The following SYNJ2 variants were observed in gnomAD, a reference collection of about 807,000 sequenced individuals.
The protein encoded by SYNJ2 is synaptojanin 2.
A neutral mutation model predicts 141.3 loss-of-function variants in SYNJ2; 116 were observed. The observed-to-expected ratio is 0.82, with a 90% CI of 0.71 to 0.96. The LOEUF (loss-of-function observed/expected upper bound fraction) is 0.96, where lower values mean the gene tolerates loss of function less well. Ranked by LOEUF, SYNJ2 falls within the 40% of genes least tolerant of loss-of-function variation. SYNJ2 has a pLI of 0.00. For synonymous variants in SYNJ2, 745 were observed against 777.7 expected, an observed-to-expected ratio of 0.96 and a Z score of 0.70; for missense variants, 1,873 against 1,934.8, an observed-to-expected ratio of 0.97 and a Z score of 0.60.
At chr6:158,082,287 G>A (rs1782742439) in intron 20 of SYNJ2, among the ~76,000 whole-genome samples, 1 of 152,176 alleles carries the variant, frequency 6.6e-6, no homozygotes, top group East Asian at 1.9e-4. Flanking sequence ...AGGATTTCGA[G>A]ACCAGCCTGG....
chr6:158,074,259 A>G (rs1024407519), intron 15 of SYNJ2, among the ~76,000 whole-genome samples: 1 of 152,200 alleles, frequency 6.6e-6, no homozygotes, highest in Admixed American at 6.5e-5. Flanking sequence ...AGACACTCCA[A>G]AGTAAGGGTG....
In SYNJ2 at chr6:158,043,260, A is replaced by G; in HGVS notation, c.712-56A>G. 3 of 1,522,112 alleles carry G rather than the reference A, an allele frequency of 2.0e-6. No homozygotes were observed. Among genetic ancestry groups the G allele is most frequent in the Non-Finnish European group, 2.7e-6 (3 of 1,099,342 alleles). 94.3% of individuals were successfully genotyped at this position (1,522,112 alleles called of 1,614,324 possible). ...GTGGCCGGATCCCGTTACCCAGCCC[A>G]GGACGTTCGGTTTCATTGAAGAATA... On this transcript the variant is annotated intron_variant, in intron 4 of 26. Transcript: ENST00000355585. This position sits in a 1 kb window ranked among gnomAD's most constrained non-coding sequence, Gnocchi z 4.0.
intron 11 of SYNJ2, among the ~76,000 whole-genome samples, chr6:158,066,164 G>A (rs957095240): frequency 2.0e-5 from 3 of 152,164 alleles, no homozygotes; most frequent in Non-Finnish European, 4.4e-5. Context: ...GATCCCTATG[G>A]TCTGATGTCC....
chr6:158,022,356 G>A (rs1460624912), intron 2 of SYNJ2, among the ~76,000 whole-genome samples: 2 of 152,290 alleles, frequency 1.3e-5, no homozygotes, highest in East Asian at 1.9e-4. Flanking sequence ...GGGAGGCCTG[G>A]GGTGGTCCCG....
rs78005643 is a variant in SYNJ2 at position 158,026,658 on chromosome 6, C to T, written c.215-2098C>T. Among the ~76,000 whole-genome samples, 813 of 152,336 alleles carry T rather than the reference C, an allele frequency of 5.3e-3. 37 individuals carry two copies. The East Asian group carries it at 0.12, about 22-fold the overall frequency. On this transcript the variant is annotated intron_variant, in intron 2 of 26. Transcript: ENST00000355585. ...GCACCTGGGACTGTTGCCAGGCACT[C>T]AGGCCCCCCACACGGAGGCTGTTGA...
chr6:158,093,457 A>AAAAAAC (rs1783603793), intron 26 of SYNJ2, among the ~76,000 whole-genome samples: 1 of 151,324 alleles, frequency 6.6e-6, no homozygotes, highest in African/African-American at 2.5e-5. Flanking sequence ...AAACAAAAAA[A>AAAAAAC]AAAAAACAGA....
rs773339258 is a variant in SYNJ2, at chr6:157,981,988, G to T, written c.27G>T (p.Leu9=). 3.9e-6 allele frequency: 5 copies of T among 1,278,536 alleles called. No individual in the cohort carries two copies. The highest frequency in any genetic ancestry group is 4.9e-6 in the Non-Finnish European group (5 of 1,012,982). The allele number at this position is 1,278,536 out of a possible 1,614,324, so 79.2% of individuals were successfully genotyped here. The change falls in exon 1 of 27, where the codon CTG becomes CTT. Residue 9 remains leucine (L), a synonymous_variant. Coordinates refer to ENST00000355585, the MANE Select transcript of SYNJ2 (RefSeq NM_003898.4). This position sits in a 1 kb window ranked among gnomAD's most constrained non-coding sequence, Gnocchi z 6.4. ...TGGCCCTGAGCAAAGGGCTGCGGCT[G>T]CTGGGGCGCCTGGGGGCCGAGGGGG... MALSKGLR[L]LGRLGAEGDC... is the part of the protein sequence containing the mutation.
intron 13 of SYNJ2, among the ~76,000 whole-genome samples, chr6:158,069,135 C>G (rs942760667): frequency 6.6e-6 from 1 of 152,242 alleles, no homozygotes; most frequent in South Asian, 2.1e-4. Context: ...GAGGTACTTT[C>G]TTCCTGCACA....
chr6:158,051,968 AAG>A (rs1315475837), intron 5 of SYNJ2, among the ~76,000 whole-genome samples: 2 of 146,378 alleles, frequency 1.4e-5, no homozygotes, highest in Non-Finnish European at 3.1e-5. Flanking sequence ...AGAAAAAAAA[AAG>A]AAGAAGAAGA....
intron 17 of SYNJ2, chr6:158,077,683 A>G (rs1157546919): frequency 6.8e-6 from 1 of 146,332 alleles, no homozygotes; most frequent in Admixed American, 6.8e-5. Context: ...AAAAAAACCT[A>G]ATTACACATT....
At chr6:158,022,897 G>A (rs1292155538) in intron 2 of SYNJ2, among the ~76,000 whole-genome samples, 5 of 152,180 alleles carry the variant, frequency 3.3e-5, no homozygotes, top group Non-Finnish European at 7.4e-5. Context: ...ACGGTGGCCC[G>A]GGAGTCAGCG....
At chr6:157,985,636 G>T (rs1478292559) in intron 1 of SYNJ2, among the ~76,000 whole-genome samples, 3 of 152,194 alleles carry the variant, frequency 2.0e-5, no homozygotes, top group Non-Finnish European at 2.9e-5. Context: ...AGGGAAAAGT[G>T]CTTATTGTTA....
At chr6:157,981,854 G>T, upstream of SYNJ2, 1 of 1,020,282 alleles carries the variant, frequency 9.8e-7, no homozygotes, top group Non-Finnish European at 1.3e-6. This position sits in a 1 kb window ranked among gnomAD's most constrained non-coding sequence, Gnocchi z 6.4. Context: ...GGGAGCGGCG[G>T]CGCAAAGTGA....
At chr6:158,005,231 C>A (rs1055635167) in intron 1 of SYNJ2, among the ~76,000 whole-genome samples, 1 of 152,074 alleles carries the variant, frequency 6.6e-6, no homozygotes, top group South Asian at 2.1e-4. Flanking sequence ...GTGCCCGCAA[C>A]GACGCCCGGC....
chr6:158,031,853 A>T (rs1162120660), intron 3 of SYNJ2, among the ~76,000 whole-genome samples: 1 of 152,132 alleles, frequency 6.6e-6, no homozygotes, highest in Non-Finnish European at 1.5e-5. Context: ...GGGCTGATTT[A>T]AGGGTTGTCC....
chr6:158,054,453 G>T (rs755683396), intron 5 of SYNJ2, among the ~76,000 whole-genome samples: 8 of 152,192 alleles, frequency 5.3e-5, no homozygotes, highest in Non-Finnish European at 1.0e-4. Flanking sequence ...GCTGACTCCA[G>T]CAACAATATG....
At chr6:158,072,231 A>T (rs1341329367) in intron 15 of SYNJ2, among the ~76,000 whole-genome samples, 1 of 152,134 alleles carries the variant, frequency 6.6e-6, no homozygotes, top group South Asian at 2.1e-4. Context: ...AGATAAGCAC[A>T]CCCTTTTGAC....
chr6:158,018,893 C>T (rs142635539), intron 2 of SYNJ2, among the ~76,000 whole-genome samples: 29 of 152,338 alleles, frequency 1.9e-4, no homozygotes, highest in African/African-American at 5.8e-4. Flanking sequence ...CAGGACTTTC[C>T]GCTCTGCAGC....
intron 8 of SYNJ2, 106 bp downstream of exon 8, chr6:158,062,270 G>C: frequency 6.5e-7 from 1 of 1,537,654 alleles, no homozygotes; most frequent in Non-Finnish European, 8.8e-7. Flanking sequence ...GCGGCAGAGG[G>C]GCCGTGCAGT....
Sources: gnomAD v4.1 joint callset for allele counts (sites outside exome capture counted in the v4.1 genomes callset) on GRCh38, gnomAD v4.1.1 for gene constraint, Gnocchi (gnomAD v3.1) non-coding constraint, MANE v1.5 for transcripts, NCBI Gene and HGNC (gene_info 2026-07-23, HGNC 2026-07-21) for gene names.